SAMD12: variants seen among roughly 807,000 people sequenced by gnomAD.
SAMD12 encodes sterile alpha motif domain containing 12.
In SAMD12, 9 loss-of-function variants were observed where a neutral mutation model predicts 15.0. That is an observed-to-expected ratio of 0.60 (90% CI 0.36 to 1.05). The LOEUF is 1.05. Ranked by LOEUF, SAMD12 falls within the 50% of genes least tolerant of loss-of-function variation. The pLI is 0.01. For synonymous variants in SAMD12, 86 were observed against 90.1 expected, an observed-to-expected ratio of 0.96 and a Z score of 0.25; for missense variants, 230 against 234.2, an observed-to-expected ratio of 0.98 and a Z score of 0.12.
At chr8:118,533,153 G>C (rs1265483384) in intron 2 of SAMD12, among the ~76,000 whole-genome samples, 5 of 151,922 alleles carry the variant, frequency 3.3e-5, no homozygotes, top group African/African-American at 9.7e-5. Flanking sequence ...TGTTCTCGTT[G>C]GTTTCAAAGA....
At chr8:118,312,797 T>C (rs1355927735) in intron 4 of SAMD12, among the ~76,000 whole-genome samples, 2 of 152,200 alleles carry the variant, frequency 1.3e-5, no homozygotes, top group South Asian at 2.1e-4. Flanking sequence ...GTAAGAATCA[T>C]CTAGTAAGAA....
intron 4 of SAMD12, among the ~76,000 whole-genome samples, chr8:118,258,006 C>T (rs1244682731): frequency 2.0e-5 from 3 of 152,106 alleles, no homozygotes; most frequent in Non-Finnish European, 4.4e-5. Context: ...ACAGAAATAG[C>T]CTAACAACCT....
chr8:118,257,101 C>T (rs1812964027), intron 4 of SAMD12, among the ~76,000 whole-genome samples: 1 of 152,096 alleles, frequency 6.6e-6, no homozygotes, highest in African/African-American at 2.4e-5. Flanking sequence ...TTAGAAAAGA[C>T]ATTCAGAACC....
At chr8:118,533,481 T>C (rs1300047810) in intron 2 of SAMD12, among the ~76,000 whole-genome samples, 1 of 152,194 alleles carries the variant, frequency 6.6e-6, no homozygotes. Flanking sequence ...CTGAGTTCAG[T>C]TCCTGGACAT....
At position 118,325,577 on chromosome 8, in the gene SAMD12, T is replaced by A. The variant is rs4579562; in HGVS notation, c.433+53983A>T. ...AACTCACACAGTTATCTTTTTTGTGTGTGTGGCAAGAACACTTAAGATCTC... is the reference window on the plus strand; with the variant it reads ...AACTCACACAGTTATCTTTTTTGTGAGTGTGGCAAGAACACTTAAGATCTC... On this transcript the variant is annotated intron_variant, in intron 4 of 4. Coordinates refer to the SAMD12 transcript ENST00000409003. Among the ~76,000 whole-genome samples, 3 of 152,246 alleles carry A rather than the reference T, an allele frequency of 2.0e-5. No homozygotes were observed. In the East Asian group the frequency reaches 5.8e-4, roughly 29 times the overall value.
At chr8:118,315,148 A>G (rs1407424147) in intron 4 of SAMD12, among the ~76,000 whole-genome samples, 2 of 152,138 alleles carry the variant, frequency 1.3e-5, no homozygotes, top group African/African-American at 4.8e-5. Context: ...TTTCATTCTT[A>G]TGGAGACATG....
In SAMD12 at chr8:118,407,106, T is replaced by TAAC. The variant is rs200287329; in HGVS notation, c.323-27409_323-27407dup. On this transcript the variant is annotated intron_variant, in intron 3 of 3. Coordinates refer to ENST00000314727, the MANE Select transcript of SAMD12 (RefSeq NM_207506.3). ...ATTGAAATAAAAAAAAACTATTAAG[T>TAAC]AACAACAACAACAACAAAACCATGG... Among the ~76,000 whole-genome samples, 1,338 of 152,164 alleles carry TAAC rather than the reference T, an allele frequency of 8.8e-3. 16 individuals are homozygous for TAAC. The highest frequency in any genetic ancestry group is 0.034 in the Middle Eastern group (10 of 294).
intron 4 of SAMD12, among the ~76,000 whole-genome samples, chr8:118,263,830 A>T (rs1411238043): frequency 6.6e-6 from 1 of 152,022 alleles, no homozygotes; most frequent in Non-Finnish European, 1.5e-5. Flanking sequence ...GGCAGTGGAG[A>T]TGGAAATGGT....
intron 2 of SAMD12, among the ~76,000 whole-genome samples, chr8:118,571,319 G>A (rs1163659661): frequency 6.6e-6 from 1 of 152,208 alleles, no homozygotes; most frequent in Non-Finnish European, 1.5e-5. Context: ...TGACAAAAAT[G>A]CTGACAGTGA....
intron 4 of SAMD12, among the ~76,000 whole-genome samples, chr8:118,307,402 T>G (rs968502236): frequency 6.6e-6 from 1 of 152,182 alleles, no homozygotes; most frequent in African/African-American, 2.4e-5. Context: ...GGACCCCAGG[T>G]GCCTCTAAAG....
intron 2 of SAMD12, among the ~76,000 whole-genome samples, chr8:118,580,514 C>T (rs1827266279): frequency 6.6e-6 from 1 of 152,152 alleles, no homozygotes; most frequent in African/African-American, 2.4e-5. Context: ...AGACTGGCCA[C>T]AAACGTGTTT....
At chr8:118,419,834 C>T (rs1319664579) in intron 3 of SAMD12, among the ~76,000 whole-genome samples, 1 of 152,186 alleles carries the variant, frequency 6.6e-6, no homozygotes, top group East Asian at 1.9e-4. Flanking sequence ...TAGAAGGACA[C>T]TGTGGCAACA....
chr8:118,313,973 G>A (rs892245433), intron 4 of SAMD12, among the ~76,000 whole-genome samples: 2 of 151,880 alleles, frequency 1.3e-5, no homozygotes, highest in Non-Finnish European at 2.9e-5. Context: ...TTACTTGAAA[G>A]ATATTTAAAG....
At chr8:118,388,061 C>A (rs1208309392) in intron 3 of SAMD12, among the ~76,000 whole-genome samples, 1 of 152,152 alleles carries the variant, frequency 6.6e-6, no homozygotes. Context: ...ATAAGAGGGG[C>A]ATTTAACCCA....
intron 4 of SAMD12, among the ~76,000 whole-genome samples, chr8:118,321,506 C>T (rs111421524): frequency 1.4e-3 from 217 of 151,766 alleles, no homozygotes; most frequent in African/African-American, 5.1e-3. Context: ...CCCAGCCACT[C>T]GGGAGGCTGA....
chr8:118,278,554 T>A (rs1024519759), intron 4 of SAMD12, among the ~76,000 whole-genome samples: 3 of 152,210 alleles, frequency 2.0e-5, no homozygotes, highest in African/African-American at 7.2e-5. Context: ...GACTAGCTGC[T>A]GCTGTTAAGT....
chr8:118,350,807 C>T (rs999797196), intron 4 of SAMD12, among the ~76,000 whole-genome samples: 9 of 152,128 alleles, frequency 5.9e-5, no homozygotes, highest in Non-Finnish European at 8.8e-5. Flanking sequence ...ACAAAATATG[C>T]GTGCTTTGGT....
intron 4 of SAMD12, among the ~76,000 whole-genome samples, chr8:118,240,568 G>A (rs1322517779): frequency 6.6e-6 from 1 of 152,012 alleles, no homozygotes; most frequent in Non-Finnish European, 1.5e-5. Context: ...TTGTACCCTA[G>A]GGTTTTTCCC....
chr8:118,265,725 G>A (rs911465248), intron 4 of SAMD12, among the ~76,000 whole-genome samples: 2 of 151,668 alleles, frequency 1.3e-5, no homozygotes, highest in Admixed American at 6.6e-5. Flanking sequence ...GGATACTTAA[G>A]TGGTCCATGA....
Sources: allele counts gnomAD v4.1 joint callset (sites outside exome capture counted in the v4.1 genomes callset), GRCh38; gene constraint gnomAD v4.1.1; transcripts MANE v1.5; gene names NCBI Gene and HGNC (gene_info 2026-07-23, HGNC 2026-07-21).